The following ABCB7 variants were observed in gnomAD, a reference collection of about 807,000 sequenced individuals.
The protein encoded by ABCB7 is ATP binding cassette subfamily B member 7.
Under a neutral mutation model 54.4 loss-of-function variants are expected in ABCB7, and 7 were observed. That is an observed-to-expected ratio of 0.13 (90% confidence interval 0.07 to 0.24). The LOEUF is 0.24. Ranked by LOEUF, ABCB7 falls within the 10% of genes least tolerant of loss-of-function variation. The pLI is 1.00. For missense variants in ABCB7, 356 were observed against 570.4 expected (o/e 0.62, Z 3.83); for synonymous variants, 218 against 207.1 (o/e 1.05, Z -0.45).
intron 1 of ABCB7, among the ~76,000 whole-genome samples, chrX:75,152,137 A>G (rs1028441042): frequency 1.8e-5 from 2 of 112,351 alleles, no homozygotes; most frequent in South Asian, 7.4e-4. Context: ...ACAGCAAATT[A>G]TTGTTTAATA....
At chrX:75,148,317 A>G (rs900724605) in intron 1 of ABCB7, among the ~76,000 whole-genome samples, 2 of 110,812 alleles carry the variant, frequency 1.8e-5, no homozygotes, top group African/African-American at 3.3e-5. Context: ...ATATCAAACT[A>G]TGTCTGTGTA....
chrX:75,104,095 C>CTTTTTTTTTTTTTTTTTTTT (rs1356193373), intron 3 of ABCB7, among the ~76,000 whole-genome samples: 1 of 34,850 alleles, frequency 2.9e-5, no homozygotes, highest in Non-Finnish European at 5.3e-5. Context: ...TGTGGAAAGG[C>CTTTTTTTTTTTTTTTTTTTT]TTTCAACTCT....
At chrX:75,154,614 C>G (rs144705351) in intron 1 of ABCB7, among the ~76,000 whole-genome samples, 44 of 112,096 alleles carry the variant, frequency 3.9e-4, no homozygotes, top group African/African-American at 1.4e-3. Context: ...CATGTTCTCT[C>G]TGACTTGTGG....
chrX:75,074,631 G>T (rs1374085283), intron 6 of ABCB7, among the ~76,000 whole-genome samples: 1 of 111,958 alleles, frequency 8.9e-6, no homozygotes, highest in African/African-American at 3.2e-5. Context: ...AGAAAATGTG[G>T]CCCATGTACA....
chrX:75,136,279 C>G (rs1310693485), intron 1 of ABCB7, among the ~76,000 whole-genome samples: 1 of 111,072 alleles, frequency 9.0e-6, no homozygotes, highest in Non-Finnish European at 1.9e-5. Context: ...CCTAAGAATA[C>G]AGCTAACTAG....
At chrX:75,090,156 C>T (rs1333181272) in intron 4 of ABCB7, among the ~76,000 whole-genome samples, 2 of 110,118 alleles carry the variant, frequency 1.8e-5, no homozygotes, top group Non-Finnish European at 3.8e-5. Context: ...TCTATTATAT[C>T]TAAATGACAC....
chrX:75,123,488 A>G (rs1455879023), intron 1 of ABCB7, among the ~76,000 whole-genome samples: 1 of 111,492 alleles, frequency 9.0e-6, no homozygotes, highest in Non-Finnish European at 1.9e-5. Flanking sequence ...CTCTCTCTCA[A>G]GATTGCTTTG....
intron 4 of ABCB7, among the ~76,000 whole-genome samples, chrX:75,096,274 A>G (rs969918753): frequency 8.9e-6 from 1 of 112,328 alleles, no homozygotes; most frequent in African/African-American, 3.2e-5. Flanking sequence ...AAATGTAACA[A>G]AAAATGCTTT....
Position 75,053,565 on chromosome X carries a change from A to C in ABCB7, c.2064T>G (p.Gly688=). 1 of 1,190,888 alleles carries C rather than the reference A, an allele frequency of 8.4e-7. No individual in the cohort carries two copies. The highest frequency in any genetic ancestry group is 1.1e-6 in the Non-Finnish European group (1 of 883,073). ...VLDQGKVAER[G]THHGLLANPH... ...GGTTAGCAAGCAAACCATGGTGGGT[A>C]CCACGTTCGGCTACCTTACCCTAAA... Residue 688 remains glycine, a synonymous_variant, in exon 16 of 16, where the codon GGT becomes GGG. Transcript: ENST00000373394.
chrX:75,142,830 C>T (rs1464305774), intron 1 of ABCB7, among the ~76,000 whole-genome samples: 2 of 112,394 alleles, frequency 1.8e-5, no homozygotes, highest in African/African-American at 6.5e-5. Flanking sequence ...GAGGGCAAGG[C>T]TGTTTCTTAT....
At chrX:75,057,203 C>T (rs983002975) in intron 15 of ABCB7, among the ~76,000 whole-genome samples, 3 of 111,560 alleles carry the variant, frequency 2.7e-5, no homozygotes, top group Non-Finnish European at 5.6e-5. Context: ...CATAGGCAGC[C>T]AATTGCTTTA....
chrX:75,104,475 C>T (rs2081671760), intron 3 of ABCB7, among the ~76,000 whole-genome samples: 1 of 109,823 alleles, frequency 9.1e-6, no homozygotes, highest in Non-Finnish European at 1.9e-5. Flanking sequence ...AATGTACAAC[C>T]TCCCAAGATT....
In ABCB7 at chrX:75,070,542, A is replaced by G; in HGVS notation, c.1208-20T>C. The G allele has an allele frequency of 8.3e-7, 1 of 1,199,354 alleles. No homozygotes were observed. Among genetic ancestry groups the G allele is most frequent in the South Asian group, 1.8e-5 (1 of 56,687 alleles). ...GGGTACCTTAAAAGGCAGAAGAAAA[A>G]AAGGGTATTTTAGATAAATGTTACA... On this transcript the variant is annotated intron_variant, in intron 9 of 15. Coordinates refer to ENST00000373394, the MANE Select transcript of ABCB7 (RefSeq NM_001271696.3).
intron 6 of ABCB7, among the ~76,000 whole-genome samples, chrX:75,074,494 A>G (rs1401634103): frequency 3.6e-5 from 4 of 111,991 alleles, no homozygotes; most frequent in Non-Finnish European, 7.5e-5. Context: ...CAATCCCATT[A>G]CTGGGTGTAT....
intron 1 of ABCB7, among the ~76,000 whole-genome samples, chrX:75,146,288 T>A (rs1170142430): frequency 8.9e-6 from 1 of 111,969 alleles, no homozygotes; most frequent in Non-Finnish European, 1.9e-5. Flanking sequence ...TCAATGGTAA[T>A]TGACATTGTT....
chrX:75,104,541 A>G (rs1213896490), intron 3 of ABCB7, among the ~76,000 whole-genome samples: 3 of 110,880 alleles, frequency 2.7e-5, no homozygotes, highest in African/African-American at 3.3e-5. Flanking sequence ...CCAAAATTGA[A>G]TCAGTAATAA....
chrX:75,059,166 A>T (rs1028038500), intron 15 of ABCB7, among the ~76,000 whole-genome samples: 16 of 110,497 alleles, frequency 1.4e-4, no homozygotes, highest in Admixed American at 2.9e-4. Context: ...TTCTCTCTAA[A>T]CTCTTAGTAC....
At chrX:75,103,775 C>A (rs2081659047) in intron 3 of ABCB7, among the ~76,000 whole-genome samples, 1 of 110,175 alleles carries the variant, frequency 9.1e-6, no homozygotes, top group Non-Finnish European at 1.9e-5. Flanking sequence ...AGCGATTTCA[C>A]CATTGGTGTA....
At chrX:75,089,117 A>G (rs1341748897) in intron 4 of ABCB7, among the ~76,000 whole-genome samples, 58 of 111,054 alleles carry the variant, frequency 5.2e-4, no homozygotes, top group Non-Finnish European at 2.7e-4. Flanking sequence ...GGAAAAACAT[A>G]CACTCTCTAC....
Sources: gnomAD v4.1 joint callset for allele counts (sites outside exome capture counted in the v4.1 genomes callset) on GRCh38, gnomAD v4.1.1 for gene constraint, MANE v1.5 for transcripts, NCBI Gene and HGNC (gene_info 2026-07-23, HGNC 2026-07-21) for gene names.